The following PDXK variants were observed in gnomAD, a reference collection of about 807,000 sequenced individuals.
PDXK encodes the protein pyridoxal kinase, also known as epididymis secretory sperm binding protein Li 1a.
A neutral mutation model predicts 43.2 loss-of-function variants in PDXK; 15 were observed. The ratio of observed to expected loss-of-function variants is 0.35; its 90% CI spans 0.23 to 0.53. PDXK has a LOEUF of 0.53. Ranked by LOEUF, PDXK falls within the 20% of genes least tolerant of loss-of-function variation. PDXK has a pLI of 0.92. For missense variants in PDXK, 343 were observed against 417.0 expected, an observed-to-expected ratio of 0.82 and a Z score of 1.54; for synonymous variants, 172 against 165.4, an observed-to-expected ratio of 1.04 and a Z score of -0.31.
rs933680529 is a variant in PDXK at position 43,754,622 on chromosome 21, G to A, written c.759+903G>A. 5.3e-5 allele frequency among the ~76,000 whole-genome samples: 8 copies of A among 152,158 alleles called. No homozygotes were observed. The highest frequency in any genetic ancestry group is 7.4e-5 in the Non-Finnish European group (5 of 68,020). On this transcript the variant is annotated intron_variant, in intron 9 of 10. Coordinates refer to ENST00000291565, the MANE Select transcript of PDXK (RefSeq NM_003681.5). The surrounding 1 kb of genome is among the most constrained non-coding windows in gnomAD (Gnocchi z 5.5). ...CCCCTGGGTACTTCCCACTGCGTCC[G>A]CAGTGGGTTCAGGTGGGAGGGAGGG...
chr21:43,746,270 G>T, intron 5 of PDXK, 145 bp downstream of exon 5: 2 of 712,804 alleles, frequency 2.8e-6, no homozygotes, highest in Non-Finnish European at 5.1e-6. Flanking sequence ...TTAGGAAGGA[G>T]AAAGGGAACC....
Position 43,750,513 on chromosome 21 carries a change from C to G in PDXK, c.478C>G (p.Arg160Gly). The G allele has an allele frequency of 6.2e-7, 1 of 1,612,750 alleles. No individual in the cohort carries two copies. ...CCTGTCTTCCAGGTTACTGAGTGGC[C>G]GGAAGATCCACAGCCAGGAGGAAGC... ...NQFEAELLSG[R>G]KIHSQEEALR... The change falls in exon 7 of 11, where the codon CGG becomes GGG. Residue 160 changes from arginine (R) to glycine (G), a missense_variant. Arg to Gly is a moderately radical substitution (Grantham distance 125, BLOSUM62 -2). Transcript: ENST00000291565.
chr21:43,733,703 A>G, intron 1 of PDXK: 1 of 1,130,090 alleles, frequency 8.8e-7, no homozygotes, highest in Non-Finnish European at 1.1e-6. Flanking sequence ...GTGTGGACAG[A>G]TGGGTATTGC....
At chr21:43,733,255 C>CCCCCCCCCCCCCCCCCCCCCCCCG (rs2083346923) in intron 1 of PDXK, among the ~76,000 whole-genome samples, 1 of 59,878 alleles carries the variant, frequency 1.7e-5, no homozygotes. Flanking sequence ...CCATCCCCAC[C>CCCCCCCCCCCCCCCCCCCCCCCCG]CCCCCCCCCG....
At chr21:43,733,289 G>C (rs930785749) in intron 1 of PDXK, among the ~76,000 whole-genome samples, 1 of 90,860 alleles carries the variant, frequency 1.1e-5, no homozygotes, top group African/African-American at 4.6e-5. Flanking sequence ...GGAAACAGCC[G>C]CTGTCCTGGT....
At chr21:43,739,565 G>A (rs566985279) in intron 2 of PDXK, among the ~76,000 whole-genome samples, 2 of 152,092 alleles carry the variant, frequency 1.3e-5, no homozygotes, top group South Asian at 4.2e-4. Context: ...CGGCAGGAAG[G>A]AGAAGTGCAG....
At position 43,745,977 on chromosome 21, in the gene PDXK, A is replaced by G. The variant is rs185672652; in HGVS notation, c.332-102A>G. On this transcript the variant is annotated intron_variant, in intron 4 of 10. Coordinates refer to ENST00000291565, the MANE Select transcript of PDXK (RefSeq NM_003681.5). ...GCACCACTGCACTCCAGCCTGGACA[A>G]CAGAGCAAGACCCTGTCTTAAAAAA... The G allele has an allele frequency of 5.2e-5, 49 of 938,006 alleles. No individual in the cohort carries two copies. In the African/African-American group the frequency reaches 6.7e-4, roughly 13 times the overall value. The allele number at this position is 938,006 out of a possible 1,614,324, so 58.1% of individuals were successfully genotyped here. A position where few individuals can be genotyped will look rare whatever the true frequency, so the allele number is the denominator to read the frequency against.
At chr21:43,742,760 C>T (rs74417724) in intron 3 of PDXK, among the ~76,000 whole-genome samples, 282 of 152,186 alleles carry the variant, frequency 1.9e-3, no homozygotes, top group African/African-American at 6.1e-3. Flanking sequence ...CCCAGCTACT[C>T]GGGAAGCTCA....
At chr21:43,731,163 T>C (rs1013180609) in intron 1 of PDXK, among the ~76,000 whole-genome samples, 1 of 152,120 alleles carries the variant, frequency 6.6e-6, no homozygotes, top group Non-Finnish European at 1.5e-5. Context: ...ATAATGACTC[T>C]ACGTAAAACT....
rs573950643 is a variant in PDXK, at chr21:43,745,998, A to G, written c.332-81A>G. 12 of 1,155,494 alleles carry G rather than the reference A, an allele frequency of 1.0e-5. No individual in the cohort carries two copies. The Admixed American group carries it at 1.9e-4, about 18-fold the overall frequency. The allele number at this position is 1,155,494 out of a possible 1,614,324, so 71.6% of individuals were successfully genotyped here. On this transcript the variant is annotated intron_variant, in intron 4 of 10. Transcript: ENST00000291565. ...GACAACAGAGCAAGACCCTGTCTTAAAAAAAGAAGAAAGAAATGTGGAGGG... is the reference window on the plus strand; with the variant it reads ...GACAACAGAGCAAGACCCTGTCTTAGAAAAAGAAGAAAGAAATGTGGAGGG...
chr21:43,720,923 G>A (rs1318011336), intron 1 of PDXK, among the ~76,000 whole-genome samples: 1 of 152,146 alleles, frequency 6.6e-6, no homozygotes, highest in African/African-American at 2.4e-5. Context: ...GGCTCACTCG[G>A]GATCCCCCAG....
chr21:43,740,363 C>T (rs1263834328), intron 2 of PDXK, among the ~76,000 whole-genome samples: 1 of 152,132 alleles, frequency 6.6e-6, no homozygotes, highest in Non-Finnish European at 1.5e-5. Context: ...GGGCGCAGAG[C>T]CGGCCGTGAC....
chr21:43,750,828 ATGTGTGCACGTGTG>A lies in PDXK; in HGVS notation c.510+293_510+306del, dbSNP rs547582959. On this transcript the variant is annotated intron_variant, in intron 7 of 10. Coordinates refer to ENST00000291565, the MANE Select transcript of PDXK (RefSeq NM_003681.5). ...CGTGTGTGCGCGCACCCATGTGTGC[ATGTGTGCACGTGTG>A]TGTGTGCACATGTGCATGTGCGTCT... Among the ~76,000 whole-genome samples the A allele has an allele frequency of 8.6e-4, 125 of 145,130 alleles. 4 individuals carry two copies. The South Asian group carries it at 0.026, about 30-fold the overall frequency.
At chr21:43,742,526 C>G (rs925747741) in intron 3 of PDXK, among the ~76,000 whole-genome samples, 3 of 152,166 alleles carry the variant, frequency 2.0e-5, no homozygotes, top group Admixed American at 2.0e-4. Context: ...CTTAGCCTCC[C>G]AAAGTGTTAG....
At chr21:43,728,704 G>A (rs1195317654) in intron 1 of PDXK, 26 of 985,456 alleles carry the variant, frequency 2.6e-5, no homozygotes, top group Non-Finnish European at 3.1e-5. Context: ...GTGGGCAGGA[G>A]GAGGGCTGCT....
At chr21:43,741,574 CA>C in intron 2 of PDXK, 92 bp from the exon 3 acceptor site, 1 of 1,553,472 alleles carries the variant, frequency 6.4e-7, no homozygotes, top group African/African-American at 1.4e-5. Flanking sequence ...GTCCACCAGG[CA>C]GCCTCAGGGA....
At chr21:43,745,188 G>A (rs919297587) in intron 4 of PDXK, among the ~76,000 whole-genome samples, 6 of 152,190 alleles carry the variant, frequency 3.9e-5, no homozygotes, top group East Asian at 1.9e-4. Context: ...GGATGGCTGA[G>A]GTGGGCGGAT....
At chr21:43,746,152 A>T (rs1244181108) in intron 5 of PDXK, 27 bp downstream of exon 5, 2 of 1,590,792 alleles carry the variant, frequency 1.3e-6, no homozygotes, top group South Asian at 2.2e-5. Context: ...GTGTGATTTA[A>T]AAGTGTGGTG....
intron 1 of PDXK, chr21:43,719,965 G>A: frequency 1.0e-6 from 1 of 971,140 alleles, no homozygotes; most frequent in Non-Finnish European, 1.2e-6. Context: ...GAAGAGGGTG[G>A]GGCAGGGGCT....
Sources: gnomAD v4.1 joint callset for allele counts (sites outside exome capture counted in the v4.1 genomes callset) on GRCh38, gnomAD v4.1.1 for gene constraint, Gnocchi (gnomAD v3.1) non-coding constraint, MANE v1.5 for transcripts, NCBI Gene and HGNC (gene_info 2026-07-23, HGNC 2026-07-21) for gene names.